The following SLC35F4 variants were observed in gnomAD, a reference collection of about 807,000 sequenced individuals.
SLC35F4 encodes solute carrier family 35 member F4, also known as chromosome 14 open reading frame 36.
A neutral mutation model predicts 44.2 loss-of-function variants in SLC35F4; 24 were observed. The observed-to-expected ratio is 0.54, with a 90% CI of 0.39 to 0.76. SLC35F4 has a LOEUF of 0.76. SLC35F4 is among the 30% of genes least tolerant of loss of function. SLC35F4 has a pLI of 0.00. For synonymous variants in SLC35F4, 238 were observed against 223.6 expected, an observed-to-expected ratio of 1.06 and a Z score of -0.57; for missense variants, 562 against 586.1, an observed-to-expected ratio of 0.96 and a Z score of 0.42.
chr14:57,692,326 T>C (rs2075258928), intron 1 of SLC35F4, among the ~76,000 whole-genome samples: 1 of 152,134 alleles, frequency 6.6e-6, no homozygotes, highest in African/African-American at 2.4e-5. Context: ...GCTATTAACT[T>C]GTGTTATATA....
At chr14:57,614,781 T>C (rs2071713717) in intron 1 of SLC35F4, among the ~76,000 whole-genome samples, 1 of 152,182 alleles carries the variant, frequency 6.6e-6, no homozygotes, top group African/African-American at 2.4e-5. Flanking sequence ...CTCCCCATAA[T>C]GACTTCTGGG....
At chr14:57,693,339 C>G (rs1334971564) in intron 1 of SLC35F4, among the ~76,000 whole-genome samples, 1 of 152,210 alleles carries the variant, frequency 6.6e-6, no homozygotes, top group East Asian at 1.9e-4. Context: ...TGGCCATATA[C>G]AAAATCTCTA....
At chr14:57,781,330 A>G (rs1475689510) in intron 1 of SLC35F4, among the ~76,000 whole-genome samples, 2 of 152,156 alleles carry the variant, frequency 1.3e-5, no homozygotes, top group Non-Finnish European at 2.9e-5. Flanking sequence ...AATATCACAG[A>G]TCATTAGAGA....
rs114812974 is a variant in SLC35F4, at chr14:57,910,945, C to A, written n.282+70968G>T. 1.9e-3 allele frequency among the ~76,000 whole-genome samples: 292 copies of A among 151,992 alleles called. 3 individuals carry two copies. Among genetic ancestry groups the A allele is most frequent in the African/African-American group, 6.5e-3 (268 of 41,536 alleles). ...CATTTATTTGGTTTTTCTTTGTTAT[C>A]TTTTATCAGAGATTTGTGGTTGTCA... is the stretch of plus-strand genomic sequence containing the variant. On this transcript the variant is annotated intron_variant and non_coding_transcript_variant, in intron 1 of 1. Transcript: ENST00000556568.
chr14:57,887,851 T>C (rs1888682881), intron 1 of SLC35F4, among the ~76,000 whole-genome samples: 1 of 152,124 alleles, frequency 6.6e-6, no homozygotes, highest in South Asian at 2.1e-4. Flanking sequence ...TTTCTGCTTA[T>C]TGGGTGTCAG....
At chr14:57,719,678 C>G (rs2076035027) in intron 1 of SLC35F4, among the ~76,000 whole-genome samples, 1 of 151,592 alleles carries the variant, frequency 6.6e-6, no homozygotes, top group Admixed American at 6.6e-5. Context: ...TGCAACTTTA[C>G]TGAATTTATT....
intron 1 of SLC35F4, among the ~76,000 whole-genome samples, chr14:57,750,917 C>A (rs1319707458): frequency 6.6e-6 from 1 of 152,102 alleles, no homozygotes; most frequent in Non-Finnish European, 1.5e-5. Flanking sequence ...TTTCCTTTGG[C>A]CTAATTTTAT....
intron 1 of SLC35F4, among the ~76,000 whole-genome samples, chr14:57,774,096 T>C (rs1383539243): frequency 2.0e-5 from 3 of 151,340 alleles, no homozygotes; most frequent in African/African-American, 4.9e-5. Flanking sequence ...AGGAGGAACA[T>C]CTCCAAACGA....
chr14:57,623,479 C>T (rs1367132773), intron 1 of SLC35F4, among the ~76,000 whole-genome samples: 3 of 152,222 alleles, frequency 2.0e-5, no homozygotes, highest in Admixed American at 6.5e-5. Context: ...ATCTAGAGAA[C>T]TCTCCACCCC....
chr14:57,964,477 G>A (rs965176784), intron 1 of SLC35F4, among the ~76,000 whole-genome samples: 1 of 152,160 alleles, frequency 6.6e-6, no homozygotes, highest in African/African-American at 2.4e-5. Context: ...ATGCTTCAAA[G>A]TCTAAAAATA....
chr14:57,691,592 G>T (rs1381003815), intron 1 of SLC35F4, among the ~76,000 whole-genome samples: 2 of 152,096 alleles, frequency 1.3e-5, no homozygotes, highest in Non-Finnish European at 2.9e-5. Flanking sequence ...GACCTTTTAT[G>T]TTTAATTATC....
At chr14:57,677,319 G>A (rs1035435974) in intron 1 of SLC35F4, among the ~76,000 whole-genome samples, 4 of 151,802 alleles carry the variant, frequency 2.6e-5, no homozygotes, top group Non-Finnish European at 4.4e-5. Flanking sequence ...TAAACTACTT[G>A]GGTGATGGGT....
chr14:57,752,527 C>T (rs375317764), intron 1 of SLC35F4, among the ~76,000 whole-genome samples: 127 of 149,130 alleles, frequency 8.5e-4, no homozygotes, highest in African/African-American at 3.0e-3. Flanking sequence ...GTGGTGTGAT[C>T]TCGGCTCACT....
Position 57,953,105 on chromosome 14 carries a change from C to T in SLC35F4, n.282+28808G>A, listed in dbSNP as rs550484768. Reference sequence around the variant, plus strand: ...AGTGGATCTCTCTGCAGAAACCTTACGAACCAGAAGAGAGTGGGAACAAAT... The same window carrying T: ...AGTGGATCTCTCTGCAGAAACCTTATGAACCAGAAGAGAGTGGGAACAAAT... On this transcript the variant is annotated intron_variant and non_coding_transcript_variant, in intron 1 of 1. Coordinates refer to the SLC35F4 transcript ENST00000556568. 1.2e-3 allele frequency among the ~76,000 whole-genome samples: 183 copies of T among 152,284 alleles called. 1 individual carries two copies. Among genetic ancestry groups the T allele is most frequent in the African/African-American group, 4.1e-3 (169 of 41,552 alleles).
intron 1 of SLC35F4, among the ~76,000 whole-genome samples, chr14:57,689,153 TCTC>T (rs1405928888): frequency 2.0e-5 from 3 of 152,092 alleles, no homozygotes; most frequent in Admixed American, 6.6e-5. Context: ...TGAACTAACT[TCTC>T]CTCACTCGAA....
chr14:57,564,630 C>T (rs1020067040), intron 7 of SLC35F4, among the ~76,000 whole-genome samples: 1 of 152,144 alleles, frequency 6.6e-6, no homozygotes, highest in Non-Finnish European at 1.5e-5. Context: ...AGTACTTTTC[C>T]TCTTTACCCC....
At chr14:57,613,984 A>C (rs573355774) in intron 1 of SLC35F4, among the ~76,000 whole-genome samples, 5 of 152,350 alleles carry the variant, frequency 3.3e-5, no homozygotes, top group African/African-American at 1.2e-4. Context: ...GAAGGCTCTC[A>C]AAAAATATTT....
chr14:57,905,270 C>T (rs1889085446), intron 1 of SLC35F4, among the ~76,000 whole-genome samples: 1 of 152,216 alleles, frequency 6.6e-6, no homozygotes, highest in African/African-American at 2.4e-5. Context: ...ACTTGAATGT[C>T]CTCATATAAT....
At chr14:57,646,848 C>T (rs1272234900) in intron 1 of SLC35F4, among the ~76,000 whole-genome samples, 1 of 152,176 alleles carries the variant, frequency 6.6e-6, no homozygotes, top group Non-Finnish European at 1.5e-5. Context: ...TTTCAAAGAA[C>T]ATCTTTATTT....
Sources: gnomAD v4.1 joint callset for allele counts (sites outside exome capture counted in the v4.1 genomes callset) on GRCh38, gnomAD v4.1.1 for gene constraint, MANE v1.5 for transcripts, NCBI Gene and HGNC (gene_info 2026-07-23, HGNC 2026-07-21) for gene names.